Variants in NCKAP5L observed in about 807,000 individuals in gnomAD.
The protein encoded by NCKAP5L is NCK associated protein 5 like.
A neutral mutation model predicts 103.2 loss-of-function variants in NCKAP5L; 54 were observed. That is an observed-to-expected ratio of 0.52 (90% CI 0.42 to 0.66). The LOEUF is 0.66. NCKAP5L is among the 30% of genes least tolerant of loss of function. NCKAP5L has a pLI of 0.00. For missense variants in NCKAP5L, 1,733 were observed against 1,750.6 expected (o/e 0.99, Z 0.18); for synonymous variants, 762 against 748.6 (o/e 1.02, Z -0.29).
intron 2 of NCKAP5L, chr12:49,804,679 T>C (rs1248194942): frequency 2.0e-5 from 3 of 152,210 alleles, no homozygotes; most frequent in Admixed American, 6.6e-5. Flanking sequence ...GGTGAACATA[T>C]GAAAACCGAG....
At chr12:49,827,439 G>A (rs948345411) in intron 1 of NCKAP5L, among the ~76,000 whole-genome samples, 1 of 152,244 alleles carries the variant, frequency 6.6e-6, no homozygotes, top group Non-Finnish European at 1.5e-5. Flanking sequence ...CAGGCCTGTG[G>A]GAGGTGAGGG....
intron 3 of NCKAP5L, 97 bp downstream of exon 3, chr12:49,803,825 G>A (rs1946148888): frequency 2.7e-6 from 4 of 1,476,316 alleles, no homozygotes; most frequent in Admixed American, 2.2e-5. Context: ...AAGGCCCATG[G>A]CACCCAAAAA....
At chr12:49,799,606 C>T (rs775848471) in intron 6 of NCKAP5L, among the ~76,000 whole-genome samples, 1 of 152,174 alleles carries the variant, frequency 6.6e-6, no homozygotes, top group Non-Finnish European at 1.5e-5. Flanking sequence ...CGTGAGCTAC[C>T]GCGCTCGGCC....
intron 2 of NCKAP5L, 111 bp from the exon 3 acceptor site, chr12:49,804,191 C>T (rs1946154624): frequency 9.6e-7 from 1 of 1,040,862 alleles, no homozygotes; most frequent in African/African-American, 1.6e-5. Context: ...TGTAATAACT[C>T]AGGGCCAGGC....
intron 6 of NCKAP5L, 100 bp downstream of exon 6, chr12:49,801,748 C>A: frequency 6.9e-7 from 1 of 1,446,606 alleles, no homozygotes. Flanking sequence ...CAGCTGATGG[C>A]CTGCTTCCCT....
intron 8 of NCKAP5L, among the ~76,000 whole-genome samples, chr12:49,794,385 T>G (rs962094559): frequency 6.6e-6 from 1 of 152,136 alleles, no homozygotes; most frequent in African/African-American, 2.4e-5. Context: ...GTGGCAGATG[T>G]CAAAGGGCAA....
chr12:49,827,934 C>G (rs1487215101), intron 1 of NCKAP5L, among the ~76,000 whole-genome samples: 1 of 152,218 alleles, frequency 6.6e-6, no homozygotes, highest in East Asian at 1.9e-4. Flanking sequence ...AAGCGGCACC[C>G]GGACGGTGGG....
chr12:49,795,836 G>A lies in NCKAP5L; in HGVS notation c.2024C>T (p.Pro675Leu). The stretch of plus-strand genomic sequence containing the variant: ...CTTCTCTGAGCCCAGGGCCCCCTCG[G>A]GGCCTGTCTTCAGCTTCCCCAGGGC... ...LAALGKLKTG[P>L]EGALGSEKNG... The change falls in exon 8 of 13, where the codon CCC becomes CTC. Residue 675 changes from proline to leucine, a missense_variant. Physicochemically the swap from Pro to Leu is moderately conservative, Grantham distance 98. Coordinates refer to ENST00000335999, the MANE Select transcript of NCKAP5L (RefSeq NM_001037806.4). 1.3e-6 allele frequency: 2 copies of A among 1,566,918 alleles called. No individual in the cohort carries two copies. Among genetic ancestry groups the A allele is most frequent in the East Asian group, 2.4e-5 (1 of 41,954 alleles).
intron 1 of NCKAP5L, among the ~76,000 whole-genome samples, chr12:49,818,915 G>GTTTTTT (rs774681130): frequency 9.7e-4 from 147 of 151,946 alleles, no homozygotes; most frequent in Non-Finnish European, 1.6e-3. Context: ...ACTTAAAATA[G>GTTTTTT]GCCAGACCCA....
Position 49,803,146 on chromosome 12 carries a change from GCAAGTGC to G in NCKAP5L, c.136_142del (p.Ala46ProfsTer27). 6.2e-7 allele frequency: 1 copy of G among 1,614,196 alleles called. No homozygotes were observed. ...CTCCCGCTGGTTTTCGTTGGCCTGG[GCAAGTGC>G]CGAGTTCTCTGCCTGCAGGAGTGAG... On this transcript the variant is annotated frameshift_variant, in exon 4 of 13. Transcript: ENST00000335999. LOFTEE classifies it high-confidence loss of function.
intron 1 of NCKAP5L, among the ~76,000 whole-genome samples, chr12:49,819,589 C>T (rs1379773211): frequency 6.6e-6 from 1 of 152,088 alleles, no homozygotes; most frequent in African/African-American, 2.4e-5. Context: ...ACAAATACCA[C>T]GTGATCTCAT....
chr12:49,808,013 A>G (rs1946199575), intron 1 of NCKAP5L, among the ~76,000 whole-genome samples: 1 of 152,272 alleles, frequency 6.6e-6, no homozygotes, highest in Admixed American at 6.5e-5. Context: ...AATGTAGAGT[A>G]TCTTTTCCCA....
chr12:49,817,856 G>A (rs116318020), intron 1 of NCKAP5L, among the ~76,000 whole-genome samples: 4 of 152,240 alleles, frequency 2.6e-5, no homozygotes, highest in African/African-American at 4.8e-5. Flanking sequence ...CTGGCCGGGC[G>A]CAGTGCTCAT....
Position 49,792,686 on chromosome 12 carries a change from C to A in NCKAP5L, c.3641G>T (p.Cys1214Phe). The A allele has an allele frequency of 1.9e-6, 3 of 1,612,724 alleles. No individual in the cohort carries two copies. Among genetic ancestry groups the A allele is most frequent in the Non-Finnish European group, 2.5e-6 (3 of 1,179,504 alleles). ...AAPGHRGHET[C>F]PDDPCEDPGP... Reference sequence around the variant, plus strand: ...CCCACCTGGACACTCACCATCAGGACAGGTCTCATGGCCCCGGTGGCCCGG... The same window carrying A: ...CCCACCTGGACACTCACCATCAGGAAAGGTCTCATGGCCCCGGTGGCCCGG... The change falls in exon 11 of 13, where the codon TGT becomes TTT. Residue 1214 changes from cysteine to phenylalanine, a missense_variant. Transcript: ENST00000335999. This position sits in a 1 kb window ranked among gnomAD's most constrained non-coding sequence, Gnocchi z 4.5.
At chr12:49,818,140 A>C (rs1020606684) in intron 1 of NCKAP5L, among the ~76,000 whole-genome samples, 29 of 152,100 alleles carry the variant, frequency 1.9e-4, no homozygotes, top group Admixed American at 1.7e-3. Context: ...TTGGAAAAAA[A>C]AAAAAACAAA....
Position 49,792,151 on chromosome 12 carries a change from G to T in NCKAP5L, c.3793-100C>A. On this transcript the variant is annotated intron_variant, in intron 12 of 12. Coordinates refer to ENST00000335999, the MANE Select transcript of NCKAP5L (RefSeq NM_001037806.4). This position sits in a 1 kb window ranked among gnomAD's most constrained non-coding sequence, Gnocchi z 4.5. ...AGGGGCGTCTGTGCACCTGATGGGG[G>T]GCTGCTCCAGAGGGGGCCCAAGGTG... The T allele has an allele frequency of 8.5e-7, 1 of 1,180,488 alleles. No individual in the cohort carries two copies. Among genetic ancestry groups the T allele is most frequent in the South Asian group, 1.5e-5 (1 of 67,132 alleles). 73.1% of individuals were successfully genotyped at this position (1,180,488 alleles called of 1,614,324 possible).
chr12:49,798,395 T>C lies in NCKAP5L; in HGVS notation c.420A>G (p.Gly140=). Residue 140 remains glycine (G), a synonymous_variant, in exon 7 of 13, where the codon GGA becomes GGG. Coordinates refer to ENST00000335999, the MANE Select transcript of NCKAP5L (RefSeq NM_001037806.4). Reference sequence around the variant, plus strand: ...GCCCCAGAGGCAGCGGGGCAGCCGGTCCCTCAGTGGAGCTCAGGGAGGGGG... The same window carrying C: ...GCCCCAGAGGCAGCGGGGCAGCCGGCCCCTCAGTGGAGCTCAGGGAGGGGG... ...PASPSLSSTE[G]PAAPLPLGHC... 1.3e-6 allele frequency: 2 copies of C among 1,575,578 alleles called. No individual in the cohort carries two copies. The highest frequency in any genetic ancestry group is 2.3e-5 in the South Asian group (2 of 85,792).
intron 5 of NCKAP5L, 80 bp downstream of exon 5, chr12:49,802,878 G>A: frequency 4.1e-6 from 6 of 1,481,374 alleles, no homozygotes; most frequent in Non-Finnish European, 3.7e-6. Flanking sequence ...AACAGCCCAT[G>A]TCCTCCAAGC....
chr12:49,809,543 C>T (rs759612354), intron 1 of NCKAP5L, among the ~76,000 whole-genome samples: 1 of 152,104 alleles, frequency 6.6e-6, no homozygotes, highest in Non-Finnish European at 1.5e-5. Context: ...CAGAATCACC[C>T]GTAACACCAA....
Sources: allele counts gnomAD v4.1 joint callset (sites outside exome capture counted in the v4.1 genomes callset), GRCh38; gene constraint gnomAD v4.1.1; non-coding constraint Gnocchi (gnomAD v3.1); transcripts MANE v1.5; gene names NCBI Gene and HGNC (gene_info 2026-07-23, HGNC 2026-07-21).